Variants in ATRX observed in about 807,000 individuals in gnomAD.
The protein encoded by ATRX is chromatin remodeler ATRX.
Under a neutral mutation model 172.6 loss-of-function variants are expected in ATRX, and 12 were observed. The observed-to-expected ratio is 0.07, with a 90% CI of 0.04 to 0.11. The LOEUF (loss-of-function observed/expected upper bound fraction) is 0.11. Ranked by LOEUF, ATRX falls within the 10% of genes least tolerant of loss-of-function variation. The pLI is 1.00. For missense variants in ATRX, 1,368 were observed against 1,767.4 expected (o/e 0.77, Z 4.05); for synonymous variants, 674 against 594.7 (o/e 1.13, Z -1.94).
intron 2 of ATRX, among the ~76,000 whole-genome samples, chrX:77,702,512 G>T (rs1401843087): frequency 9.1e-6 from 1 of 109,969 alleles, no homozygotes; most frequent in Non-Finnish European, 1.9e-5. Context: ...TGGGTACAAG[G>T]ACAATAAACA....
chrX:77,635,403 A>G (rs2068302601), intron 16 of ATRX, among the ~76,000 whole-genome samples: 1 of 112,039 alleles, frequency 8.9e-6, no homozygotes, highest in African/African-American at 3.2e-5. Flanking sequence ...AACCCATGAG[A>G]TAATTTCATC....
chrX:77,773,627 C>A (rs1047887861), intron 1 of ATRX, among the ~76,000 whole-genome samples: 2 of 110,266 alleles, frequency 1.8e-5, no homozygotes, highest in African/African-American at 6.6e-5. Context: ...TGGTGCACGC[C>A]TGTAGTCCCA....
intron 1 of ATRX, among the ~76,000 whole-genome samples, chrX:77,741,956 A>C (rs781931008): frequency 9.0e-6 from 1 of 111,655 alleles, no homozygotes; most frequent in East Asian, 2.8e-4. Flanking sequence ...TGATGCATTT[A>C]ACTGTTTTAT....
At chrX:77,595,164 G>A (rs2066429028) in intron 25 of ATRX, 2 of 111,816 alleles carry the variant, frequency 1.8e-5, no homozygotes, top group South Asian at 7.4e-4. Context: ...ATTATCAGAA[G>A]TTCTTGAGAA....
intron 30 of ATRX, among the ~76,000 whole-genome samples, chrX:77,551,509 A>C (rs1602500353): frequency 8.9e-6 from 1 of 112,397 alleles, no homozygotes; most frequent in East Asian, 2.8e-4. Flanking sequence ...TAAAACCATA[A>C]AATCCCTAGA....
At position 77,598,643 on chromosome X, in the gene ATRX, C is replaced by T. The variant is rs376526087; in HGVS notation, c.5956+768G>A. 3.9e-4 allele frequency among the ~76,000 whole-genome samples: 44 copies of T among 111,429 alleles called. 1 individual carries two copies. In the South Asian group the frequency reaches 0.017, roughly 42 times the overall value. On this transcript the variant is annotated intron_variant, in intron 25 of 34. Coordinates refer to ENST00000373344, the MANE Select transcript of ATRX (RefSeq NM_000489.6). Reference sequence around the variant, plus strand: ...CACTACCTTGTTCTCTCTTCATAATCTGCTATTTCAAATAGGCAGACATTT... The same window carrying T: ...CACTACCTTGTTCTCTCTTCATAATTTGCTATTTCAAATAGGCAGACATTT...
chrX:77,765,735 G>A (rs981031541), intron 1 of ATRX, among the ~76,000 whole-genome samples: 13 of 105,101 alleles, frequency 1.2e-4, no homozygotes, highest in African/African-American at 3.9e-4. Flanking sequence ...GGTGTTTCTC[G>A]CAGAGGGGGA....
At chrX:77,764,663 C>A (rs1442150057) in intron 1 of ATRX, among the ~76,000 whole-genome samples, 1 of 111,656 alleles carries the variant, frequency 9.0e-6, no homozygotes, top group East Asian at 2.8e-4. Flanking sequence ...TGTTTTACTC[C>A]TTTTTTCCCT....
chrX:77,538,895 ATTTT>A (rs567391617), intron 30 of ATRX, among the ~76,000 whole-genome samples: 1 of 89,378 alleles, frequency 1.1e-5, no homozygotes. Context: ...ACTTTGCTCC[ATTTT>A]TTTTTTTTTT....
intron 1 of ATRX, among the ~76,000 whole-genome samples, chrX:77,760,837 ATTAC>A (rs1239127667): frequency 4.5e-5 from 5 of 112,038 alleles, no homozygotes; most frequent in African/African-American, 1.6e-4. Context: ...TTTATATTCA[ATTAC>A]TTACTTCTGA....
intron 1 of ATRX, among the ~76,000 whole-genome samples, chrX:77,740,077 A>AAAAAAAAAAAAAAT (rs1350060024): frequency 1.8e-5 from 1 of 55,223 alleles, no homozygotes; most frequent in Non-Finnish European, 3.2e-5. Flanking sequence ...AAAAAAAAAA[A>AAAAAAAAAAAAAAT]TTTTTAAAAA....
chrX:77,759,837 G>T (rs371219814), intron 1 of ATRX, among the ~76,000 whole-genome samples: 1 of 111,711 alleles, frequency 9.0e-6, no homozygotes. Context: ...AAATTTTCTA[G>T]TAGCCATATT....
At chrX:77,617,869 A>C (rs1557097721) in intron 21 of ATRX, among the ~76,000 whole-genome samples, 1 of 109,870 alleles carries the variant, frequency 9.1e-6, no homozygotes. Context: ...GGTGCGCACC[A>C]CCGTGGCTGG....
At chrX:77,686,359 C>T (rs1157244416) in intron 7 of ATRX, among the ~76,000 whole-genome samples, 1 of 111,452 alleles carries the variant, frequency 9.0e-6, no homozygotes, top group Non-Finnish European at 1.9e-5. Context: ...TTTAAAAATA[C>T]AAACAATTTT....
At chrX:77,522,078 A>G in intron 32 of ATRX, 185 bp downstream of exon 32, 1 of 534,163 alleles carries the variant, frequency 1.9e-6, no homozygotes, top group Non-Finnish European at 3.1e-6. Context: ...TTGTGCTCTG[A>G]ACAAACCACA....
At chrX:77,597,484 CA>C (rs1161130304) in intron 25 of ATRX, among the ~76,000 whole-genome samples, 130 of 104,190 alleles carry the variant, frequency 1.2e-3, no homozygotes, top group African/African-American at 3.5e-3. Context: ...CACAAAATAA[CA>C]AAAAAAAAAC....
chrX:77,743,258 G>A (rs781937090), intron 1 of ATRX, among the ~76,000 whole-genome samples: 1 of 111,048 alleles, frequency 9.0e-6, no homozygotes, highest in Non-Finnish European at 1.9e-5. Context: ...GCCTGGACTG[G>A]GGCATGAAAG....
At chrX:77,568,918 C>T (rs185114561) in intron 28 of ATRX, among the ~76,000 whole-genome samples, 2 of 111,291 alleles carry the variant, frequency 1.8e-5, no homozygotes, top group East Asian at 5.6e-4. Flanking sequence ...GTCATAAAAA[C>T]TCAGAAAATT....
At chrX:77,687,037 C>A (rs2071608018) in intron 7 of ATRX, among the ~76,000 whole-genome samples, 1 of 107,178 alleles carries the variant, frequency 9.3e-6, no homozygotes, top group South Asian at 4.2e-4. Flanking sequence ...ACCTGTAATC[C>A]CAGCTACTCG....
Sources: gnomAD v4.1 joint callset for allele counts (sites outside exome capture counted in the v4.1 genomes callset) on GRCh38, gnomAD v4.1.1 for gene constraint, MANE v1.5 for transcripts, NCBI Gene and HGNC (gene_info 2026-07-23, HGNC 2026-07-21) for gene names.